The following SPHKAP variants were observed in gnomAD, a reference collection of about 807,000 sequenced individuals.
SPHKAP encodes A-kinase anchor protein SPHKAP.
In SPHKAP, 67 loss-of-function variants were observed where a neutral mutation model predicts 137.5. That is an observed-to-expected ratio of 0.49 (90% confidence interval 0.40 to 0.60). The LOEUF (loss-of-function observed/expected upper bound fraction) is 0.60. Ranked by LOEUF, SPHKAP falls within the 20% of genes least tolerant of loss-of-function variation. SPHKAP has a pLI of 0.00. For missense variants in SPHKAP, 2,097 were observed against 2,069.3 expected (o/e 1.01, Z -0.26); for synonymous variants, 813 against 785.3 (o/e 1.04, Z -0.59).
intron 5 of SPHKAP, among the ~76,000 whole-genome samples, chr2:228,024,562 G>A (rs1235931223): frequency 1.3e-5 from 2 of 152,078 alleles, no homozygotes; most frequent in African/African-American, 4.8e-5. Context: ...TTATCACACT[G>A]TATTATGTTT....
intron 3 of SPHKAP, among the ~76,000 whole-genome samples, chr2:228,059,503 A>G (rs1419358534): frequency 6.6e-6 from 1 of 152,232 alleles, no homozygotes; most frequent in Non-Finnish European, 1.5e-5. Context: ...TGAATATGCC[A>G]GCCAGTGACT....
chr2:228,132,924 A>G (rs1699304685), intron 1 of SPHKAP, among the ~76,000 whole-genome samples: 1 of 152,086 alleles, frequency 6.6e-6, no homozygotes, highest in South Asian at 2.1e-4. Context: ...GAATCGTTTG[A>G]ACCCGGGAGG....
intron 1 of SPHKAP, among the ~76,000 whole-genome samples, chr2:228,142,329 T>C (rs1211425587): frequency 6.6e-6 from 1 of 151,610 alleles, no homozygotes; most frequent in African/African-American, 2.4e-5. Flanking sequence ...AGAAAACATA[T>C]AGTATTCTGT....
chr2:228,029,905 G>A (rs1184981157), intron 3 of SPHKAP, among the ~76,000 whole-genome samples: 1 of 152,110 alleles, frequency 6.6e-6, no homozygotes, highest in Non-Finnish European at 1.5e-5. Context: ...ATGCATCACA[G>A]TGGCAGAGGG....
intron 11 of SPHKAP, among the ~76,000 whole-genome samples, chr2:227,989,546 A>G (rs1439391416): frequency 6.6e-6 from 1 of 152,164 alleles, no homozygotes; most frequent in East Asian, 1.9e-4. Flanking sequence ...TTATATGGCA[A>G]AAAGGATTTA....
At position 227,981,700 on chromosome 2, in the gene SPHKAP, T is replaced by C; in HGVS notation, c.*17A>G. On this transcript the variant is annotated 3_prime_UTR_variant, in exon 12 of 12. Coordinates refer to ENST00000392056, the MANE Select transcript of SPHKAP (RefSeq NM_001142644.2). Reference sequence around the variant, plus strand: ...TGGAATAAAGGGAAGGAATGATCTATACGGCAGACTGCCTTATTATCCCAG... The same window carrying C: ...TGGAATAAAGGGAAGGAATGATCTACACGGCAGACTGCCTTATTATCCCAG... 1.2e-6 allele frequency: 2 copies of C among 1,610,858 alleles called. No individual in the cohort carries two copies. The highest frequency in any genetic ancestry group is 1.7e-6 in the Non-Finnish European group (2 of 1,178,454).
intron 2 of SPHKAP, among the ~76,000 whole-genome samples, chr2:228,120,933 C>G (rs570108471): frequency 2.0e-5 from 3 of 152,116 alleles, no homozygotes; most frequent in African/African-American, 7.2e-5. Flanking sequence ...AAATAGAGGA[C>G]AGCTGATTAA....
chr2:228,158,700 G>A (rs1382063673), intron 1 of SPHKAP, among the ~76,000 whole-genome samples: 2 of 152,090 alleles, frequency 1.3e-5, no homozygotes, highest in African/African-American at 2.4e-5. Context: ...TCTTTCTCTT[G>A]AGCTTCAGAT....
chr2:228,172,409 A>C (rs1183724304), intron 1 of SPHKAP, among the ~76,000 whole-genome samples: 1 of 152,184 alleles, frequency 6.6e-6, no homozygotes, highest in Non-Finnish European at 1.5e-5. Flanking sequence ...GACTACTTGC[A>C]CAACTGGTCA....
rs1694782183 is a variant in SPHKAP at position 228,020,125 on chromosome 2, A to G, written c.729T>C (p.Val243=). 1.9e-6 allele frequency: 3 copies of G among 1,609,338 alleles called. No homozygotes were observed. Among genetic ancestry groups the G allele is most frequent in the Non-Finnish European group, 2.5e-6 (3 of 1,178,704 alleles). Residue 243 remains valine (V), a synonymous_variant, in exon 7 of 12, where the codon GTT becomes GTC. Coordinates refer to ENST00000392056, the MANE Select transcript of SPHKAP (RefSeq NM_001142644.2). ...CTCCCTTTAGCTGTTTACTTTCCAA[A>G]ACATTGGCTGAGACATTTATATTTT... is the stretch of plus-strand genomic sequence containing the variant. ...DYENINVSAN[V]LESKQLKGAT...
chr2:228,012,185 A>AAAG (rs1694407710), intron 7 of SPHKAP, among the ~76,000 whole-genome samples: 1 of 77,108 alleles, frequency 1.3e-5, no homozygotes, highest in African/African-American at 5.3e-5. Context: ...AAAAAAAAAA[A>AAAG]AAAGAAAGAA....
intron 3 of SPHKAP, among the ~76,000 whole-genome samples, chr2:228,032,794 G>A (rs1371252496): frequency 6.6e-6 from 1 of 152,122 alleles, no homozygotes; most frequent in Non-Finnish European, 1.5e-5. Flanking sequence ...ATAAGTGAAG[G>A]AGAAATAAAA....
Position 227,984,930 on chromosome 2 carries a change from C to T in SPHKAP, c.4960-3070G>A, listed in dbSNP as rs150831999. 1.6e-3 allele frequency among the ~76,000 whole-genome samples: 237 copies of T among 152,230 alleles called. 1 individual carries two copies. Among genetic ancestry groups the T allele is most frequent in the African/African-American group, 5.3e-3 (219 of 41,550 alleles). ...GCTCCTTTCTGTAAACCGTGGCTTA[C>T]GGGACCACCACCTTATCCCCAACTT... On this transcript the variant is annotated intron_variant, in intron 11 of 11. Coordinates refer to ENST00000392056, the MANE Select transcript of SPHKAP (RefSeq NM_001142644.2).
chr2:228,173,701 C>T (rs1404425341), intron 1 of SPHKAP, among the ~76,000 whole-genome samples: 2 of 152,170 alleles, frequency 1.3e-5, no homozygotes, highest in African/African-American at 4.8e-5. Context: ...GATTTTATCC[C>T]AGTGAGATCC....
intron 3 of SPHKAP, among the ~76,000 whole-genome samples, chr2:228,045,598 C>T (rs1354977093): frequency 2.0e-5 from 3 of 151,600 alleles, no homozygotes; most frequent in Non-Finnish European, 2.9e-5. Context: ...GGGACTGTTG[C>T]GGGATTGGGG....
Position 228,018,165 on chromosome 2 carries a change from C to T in SPHKAP, c.2689G>A (p.Val897Ile). ...YNCATSRINE[V>I]QVNLSLLGDD... ...CCTAACAAGGACAGGTTGACTTGAACTTCGTTGATGCGAGATGTGGCACAG... is the reference window on the plus strand; with the variant it reads ...CCTAACAAGGACAGGTTGACTTGAATTTCGTTGATGCGAGATGTGGCACAG... The change falls in exon 7 of 12, where the codon GTT (valine) becomes ATT (isoleucine). Residue 897 changes from valine to isoleucine, a missense_variant. By Grantham distance (29) the Val-to-Ile change is conservative. Coordinates refer to ENST00000392056, the MANE Select transcript of SPHKAP (RefSeq NM_001142644.2). 1 of 1,614,178 alleles carries T rather than the reference C, an allele frequency of 6.2e-7. No homozygotes were observed. Among genetic ancestry groups the T allele is most frequent in the Non-Finnish European group, 8.5e-7 (1 of 1,180,024 alleles).
intron 11 of SPHKAP, 144 bp from the exon 12 acceptor site, chr2:227,982,004 ATTTTC>A: frequency 7.8e-7 from 1 of 1,279,508 alleles, no homozygotes; most frequent in Non-Finnish European, 9.9e-7. Context: ...GGGATAATCT[ATTTTC>A]TTTTTAAGAA....
At chr2:228,062,373 C>T (rs1358174045) in intron 3 of SPHKAP, among the ~76,000 whole-genome samples, 1 of 151,878 alleles carries the variant, frequency 6.6e-6, no homozygotes, top group East Asian at 1.9e-4. Flanking sequence ...GATCCACCTG[C>T]CTCGGCCTCC....
At chr2:228,088,057 A>G (rs1485843325) in intron 3 of SPHKAP, among the ~76,000 whole-genome samples, 1 of 152,188 alleles carries the variant, frequency 6.6e-6, no homozygotes, top group African/African-American at 2.4e-5. Flanking sequence ...TGACAAAAAC[A>G]TCACAAAGAA....
Sources: gnomAD v4.1 joint callset for allele counts (sites outside exome capture counted in the v4.1 genomes callset) on GRCh38, gnomAD v4.1.1 for gene constraint, MANE v1.5 for transcripts, NCBI Gene and HGNC (gene_info 2026-07-23, HGNC 2026-07-21) for gene names.